The following UGT1A4 variants were observed in gnomAD, a reference collection of about 807,000 sequenced individuals.
The protein encoded by UGT1A4 is UDP glucuronosyltransferase family 1 member A4, also known as UDP-glucuronosyltransferase 1A4.
In UGT1A4, 32 loss-of-function variants were observed where a neutral mutation model predicts 41.1. The ratio of observed to expected loss-of-function variants is 0.78; its 90% CI spans 0.59 to 1.05. The LOEUF (loss-of-function observed/expected upper bound fraction) is 1.05, where lower values mean the gene tolerates loss of function less well. UGT1A4 is among the 50% of genes least tolerant of loss of function. UGT1A4 has a pLI of 0.00. For synonymous variants in UGT1A4, 283 were observed against 265.1 expected, an observed-to-expected ratio of 1.07 and a Z score of -0.66; for missense variants, 748 against 677.4, an observed-to-expected ratio of 1.10 and a Z score of -1.16.
rs1692213854 is a variant in UGT1A4 at position 233,743,141 on chromosome 2, AG to A, written c.867+23455del. Reference sequence around the variant, plus strand: ...AAAGTTCACTTTCAATCCTAAAAAAAGTCCGCTATTCCTCCAGATGTGCTTA... The same window carrying A: ...AAAGTTCACTTTCAATCCTAAAAAAATCCGCTATTCCTCCAGATGTGCTTA... On this transcript the variant is annotated intron_variant, in intron 1 of 4. Transcript: ENST00000373409. The A allele has an allele frequency of 1.1e-5, 4 of 356,900 alleles. No individual in the cohort carries two copies. The Admixed American group carries it at 1.1e-4, about 10-fold the overall frequency. The allele number at this position is 356,900 out of a possible 1,614,324, so 22.1% of individuals were successfully genotyped here.
chr2:233,751,718 G>C (rs144416943), intron 1 of UGT1A4, among the ~76,000 whole-genome samples: 1 of 152,136 alleles, frequency 6.6e-6, no homozygotes, highest in Non-Finnish European at 1.5e-5. Flanking sequence ...TCACTCACAA[G>C]TGAACTCTTC....
intron 1 of UGT1A4, chr2:233,747,202 T>G: frequency 5.0e-6 from 8 of 1,604,908 alleles, no homozygotes; most frequent in South Asian, 1.1e-5. Context: ...GCTGTCCGTG[T>G]CTTCTGCTGA....
At chr2:233,744,008 G>C in intron 1 of UGT1A4, 6 of 1,163,404 alleles carry the variant, frequency 5.2e-6, no homozygotes, top group Non-Finnish European at 6.7e-6. Context: ...CGGAGACCTG[G>C]GCCGCCTGGA....
chr2:233,732,680 C>A (rs899691828), intron 1 of UGT1A4, among the ~76,000 whole-genome samples: 4 of 151,836 alleles, frequency 2.6e-5, no homozygotes, highest in African/African-American at 9.7e-5. Context: ...TGTTTTGGTA[C>A]CAGCACCCAT....
chr2:233,769,857 C>CA lies in UGT1A4; in HGVS notation c.1307+1435dup, dbSNP rs879204025. On this transcript the variant is annotated intron_variant, in intron 4 of 4. Coordinates refer to ENST00000373409, the MANE Select transcript of UGT1A4 (RefSeq NM_007120.3). This position sits in a 1 kb window ranked among gnomAD's most constrained non-coding sequence, Gnocchi z 4.4. ...TGGGCAACAGAGTGAGACCCTGTCT[C>CA]AAAAAAAAAAAAAAAAATGAAAAGT... The CA allele has an allele frequency of 0.16, 34,791 of 223,900 alleles. 2,719 individuals are homozygous for CA. Among genetic ancestry groups the CA allele is most frequent in the African/African-American group, 0.37 (13,208 of 35,902 alleles). 13.9% of individuals were successfully genotyped at this position (223,900 alleles called of 1,614,324 possible).
intron 1 of UGT1A4, among the ~76,000 whole-genome samples, chr2:233,757,449 A>G (rs1402767251): frequency 1.3e-5 from 2 of 150,796 alleles, no homozygotes; most frequent in Admixed American, 6.6e-5. Context: ...ATACAGAAAC[A>G]TGTCCAGAGC....
At position 233,772,696 on chromosome 2, in the gene UGT1A4, TA is replaced by T. The variant is rs1170923656; in HGVS notation, c.*143del. On this transcript the variant is annotated 3_prime_UTR_variant, in exon 5 of 5. Transcript: ENST00000373409. Reference sequence around the variant, plus strand: ...TAAATTAATCAGCCCCAGAGTGCTTTAAAAAATTCTCTTAAATAAAAATAAT... The same window carrying T: ...TAAATTAATCAGCCCCAGAGTGCTTTAAAAATTCTCTTAAATAAAAATAAT... 2 of 1,482,484 alleles carry T rather than the reference TA, an allele frequency of 1.3e-6. No homozygotes were observed. The highest frequency in any genetic ancestry group is 1.8e-6 in the Non-Finnish European group (2 of 1,123,730). 91.8% of individuals were successfully genotyped at this position (1,482,484 alleles called of 1,614,324 possible).
chr2:233,739,695 T>C (rs1691176781), intron 1 of UGT1A4, among the ~76,000 whole-genome samples: 1 of 152,230 alleles, frequency 6.6e-6, no homozygotes, highest in African/African-American at 2.4e-5. Flanking sequence ...TTTTTGATTT[T>C]ACAGGCTCAT....
At chr2:233,736,111 A>G (rs1342253257) in intron 1 of UGT1A4, among the ~76,000 whole-genome samples, 1 of 152,176 alleles carries the variant, frequency 6.6e-6, no homozygotes, top group East Asian at 1.9e-4. Flanking sequence ...GTGTTTTCCA[A>G]CTTGTTTCCA....
At chr2:233,761,197 G>C in intron 1 of UGT1A4, 1 of 1,614,114 alleles carries the variant, frequency 6.2e-7, no homozygotes, top group Non-Finnish European at 8.5e-7. Context: ...TCTTTCAGAT[G>C]TATTACTTTG....
At chr2:233,721,302 G>C (rs541150498) in intron 1 of UGT1A4, among the ~76,000 whole-genome samples, 2 of 152,116 alleles carry the variant, frequency 1.3e-5, no homozygotes, top group African/African-American at 4.8e-5. Context: ...CATTTGAATA[G>C]TGATTGTGGC....
chr2:233,765,405 A>G (rs568434598), intron 1 of UGT1A4, among the ~76,000 whole-genome samples: 1 of 152,328 alleles, frequency 6.6e-6, no homozygotes, highest in South Asian at 2.1e-4. Context: ...GTACATATAC[A>G]CCATGGAATA....
chr2:233,765,466 T>C (rs1160830121), intron 1 of UGT1A4, among the ~76,000 whole-genome samples: 1 of 152,142 alleles, frequency 6.6e-6, no homozygotes, highest in Non-Finnish European at 1.5e-5. Context: ...AGGACATGGA[T>C]GAAGCTGGAA....
At chr2:233,760,806 T>C (rs751197990) in intron 1 of UGT1A4, 3 of 1,613,492 alleles carry the variant, frequency 1.9e-6, no homozygotes, top group Non-Finnish European at 2.5e-6. Context: ...TCTTCTTGCA[T>C]GCACTGCCAT....
chr2:233,760,275 G>C (rs2125981686), intron 1 of UGT1A4: 1 of 1,612,542 alleles, frequency 6.2e-7, no homozygotes, highest in African/African-American at 1.3e-5. Context: ...CCTCTGGCAG[G>C]AGCAAAGGCG....
At chr2:233,729,556 A>T (rs150465811) in intron 1 of UGT1A4, 1 of 1,614,134 alleles carries the variant, frequency 6.2e-7, no homozygotes, top group East Asian at 2.2e-5. Context: ...CCTGAATGCT[A>T]CTTCCTTTGA....
chr2:233,732,570 C>A (rs1379814187), intron 1 of UGT1A4, among the ~76,000 whole-genome samples: 2 of 152,184 alleles, frequency 1.3e-5, no homozygotes, highest in Non-Finnish European at 2.9e-5. Flanking sequence ...GGAATCCTTT[C>A]CCCATTGCTT....
At chr2:233,742,599 A>G (rs1331499090) in intron 1 of UGT1A4, among the ~76,000 whole-genome samples, 1 of 151,848 alleles carries the variant, frequency 6.6e-6, no homozygotes, top group Non-Finnish European at 1.5e-5. Context: ...GCAACCTACC[A>G]TAGTTGGAGA....
chr2:233,727,754 C>T (rs1338679517), intron 1 of UGT1A4, among the ~76,000 whole-genome samples: 2 of 152,210 alleles, frequency 1.3e-5, no homozygotes, highest in African/African-American at 4.8e-5. Context: ...GTGTGCTGCC[C>T]TTGAGCTGGG....
Sources: allele counts gnomAD v4.1 joint callset (sites outside exome capture counted in the v4.1 genomes callset), GRCh38; gene constraint gnomAD v4.1.1; non-coding constraint Gnocchi (gnomAD v3.1); transcripts MANE v1.5; gene names NCBI Gene and HGNC (gene_info 2026-07-23, HGNC 2026-07-21).